The following TOM1L1 variants were observed in gnomAD, a reference collection of about 807,000 sequenced individuals.
TOM1L1 encodes the protein target of myb1 like 1 membrane trafficking protein, also known as TOM1-like protein 1.
Under a neutral mutation model 63.4 loss-of-function variants are expected in TOM1L1, and 64 were observed. The observed-to-expected ratio is 1.01, with a 90% CI of 0.83 to 1.24. The LOEUF is 1.24. Ranked by LOEUF, TOM1L1 falls within the 50% of genes most tolerant of loss-of-function variation. The pLI, the probability that TOM1L1 is intolerant of heterozygous loss-of-function variation, is 0.00. For missense variants in TOM1L1, 536 were observed against 567.0 expected (o/e 0.95, Z 0.55); for synonymous variants, 166 against 194.4 (o/e 0.85, Z 1.22).
chr17:54,934,759 C>T (rs541976812), intron 8 of TOM1L1, among the ~76,000 whole-genome samples: 1 of 151,536 alleles, frequency 6.6e-6, no homozygotes, highest in South Asian at 2.1e-4. Flanking sequence ...GCTTTGCTGC[C>T]CAGGCTGGAG....
intron 7 of TOM1L1, among the ~76,000 whole-genome samples, chr17:54,925,786 C>T (rs1243834471): frequency 6.6e-6 from 1 of 152,084 alleles, no homozygotes; most frequent in African/African-American, 2.4e-5. Flanking sequence ...CTCCTATAGT[C>T]GCAGTCACTC....
chr17:54,931,638 C>A (rs188057063), intron 8 of TOM1L1, among the ~76,000 whole-genome samples: 33 of 152,054 alleles, frequency 2.2e-4, no homozygotes, highest in African/African-American at 7.2e-4. Flanking sequence ...CCATCTCTAT[C>A]AAAAAATTAC....
chr17:54,910,973 C>A (rs947015647), intron 3 of TOM1L1, among the ~76,000 whole-genome samples: 1 of 152,182 alleles, frequency 6.6e-6, no homozygotes, highest in African/African-American at 2.4e-5. Context: ...CTATCCTGGT[C>A]ATGCTATGGT....
intron 14 of TOM1L1, chr17:54,953,949 G>T (rs777185871): frequency 1.5e-4 from 23 of 152,180 alleles, no homozygotes; most frequent in Non-Finnish European, 3.1e-4. Context: ...AATGCTGATG[G>T]ATTTTCATTA....
intron 14 of TOM1L1, chr17:54,953,638 T>C (rs1416193273): frequency 6.6e-6 from 1 of 152,252 alleles, no homozygotes; most frequent in Non-Finnish European, 1.5e-5. Context: ...CTGAGTTCCA[T>C]GGTGGGGGCC....
intron 1 of TOM1L1, among the ~76,000 whole-genome samples, chr17:54,902,584 C>T (rs1281387828): frequency 1.3e-5 from 2 of 152,226 alleles, no homozygotes; most frequent in Non-Finnish European, 1.5e-5. Context: ...AGCCACCGGG[C>T]CCCGCCTCAA....
intron 1 of TOM1L1, among the ~76,000 whole-genome samples, chr17:54,903,051 T>C (rs1458074555): frequency 6.6e-6 from 1 of 152,212 alleles, no homozygotes; most frequent in Non-Finnish European, 1.5e-5. Context: ...GTTATAATAA[T>C]TGGTAAAATT....
At chr17:54,928,669 C>T (rs1291922423) in intron 7 of TOM1L1, among the ~76,000 whole-genome samples, 3 of 152,158 alleles carry the variant, frequency 2.0e-5, no homozygotes, top group African/African-American at 7.2e-5. Context: ...AAAATGTTTA[C>T]TATCTGGAGC....
At chr17:54,905,374 C>G in intron 2 of TOM1L1, 115 bp from the exon 3 acceptor site, 1 of 691,366 alleles carries the variant, frequency 1.4e-6, no homozygotes, top group East Asian at 2.6e-5. Flanking sequence ...AGAACCAAGG[C>G]CTTAGTTTTC....
intron 14 of TOM1L1, 51 bp downstream of exon 14, chr17:54,950,177 A>G (rs1182318052): frequency 7.2e-7 from 1 of 1,393,788 alleles, no homozygotes; most frequent in East Asian, 2.3e-5. Flanking sequence ...GTTCCCTTTG[A>G]TAGCAGAGCT....
intron 11 of TOM1L1, among the ~76,000 whole-genome samples, chr17:54,941,074 G>T (rs536183731): frequency 2.0e-5 from 3 of 151,836 alleles, no homozygotes; most frequent in Admixed American, 1.3e-4. Context: ...TATTTGTTAG[G>T]TTCTGATTTA....
At chr17:54,947,834 A>G (rs967185800) in intron 12 of TOM1L1, among the ~76,000 whole-genome samples, 3 of 152,122 alleles carry the variant, frequency 2.0e-5, no homozygotes, top group South Asian at 4.1e-4. Flanking sequence ...TTTTGGTCTC[A>G]TATCTTGAAA....
At position 54,915,749 on chromosome 17, in the gene TOM1L1, G is replaced by A; in HGVS notation, c.607G>A (p.Gly203Arg). Residue 203 changes from glycine (G) to arginine (R), a missense_variant, in exon 7 of 16, where the codon GGA (glycine) becomes AGA (arginine). Gly to Arg is a moderately radical substitution (Grantham distance 125, BLOSUM62 -2). Transcript: ENST00000575882. Reference sequence around the variant, plus strand: ...GTGATTGTGTTGCTCTCTACAGATTGGAAAACTGCACAGTGAATTGGATAT... The same window carrying A: ...GTGATTGTGTTGCTCTCTACAGATTAGAAAACTGCACAGTGAATTGGATAT... ...STVTLVPEQIGKLHSELDMVK... is the reference protein window; with the variant it reads ...STVTLVPEQIRKLHSELDMVK... 6.2e-7 allele frequency: 1 copy of A among 1,603,978 alleles called. No homozygotes were observed. Among genetic ancestry groups the A allele is most frequent in the Non-Finnish European group, 8.5e-7 (1 of 1,175,284 alleles).
rs1206526173 is a variant in TOM1L1, at chr17:54,930,223, C to T, written c.854+17C>T. The T allele has an allele frequency of 6.2e-7, 1 of 1,613,272 alleles. No individual in the cohort carries two copies. Among genetic ancestry groups the T allele is most frequent in the Non-Finnish European group, 8.5e-7 (1 of 1,179,490 alleles). On this transcript the variant is annotated intron_variant, in intron 8 of 15. Transcript: ENST00000575882. Reference sequence around the variant, plus strand: ...ATATGAGAGGTGAGCAGATCATGTACCCTCTTTACCCCTCTTCCATTTCTA... The same window carrying T: ...ATATGAGAGGTGAGCAGATCATGTATCCTCTTTACCCCTCTTCCATTTCTA...
At chr17:54,927,845 G>A (rs908169198) in intron 7 of TOM1L1, among the ~76,000 whole-genome samples, 2 of 152,162 alleles carry the variant, frequency 1.3e-5, no homozygotes, top group African/African-American at 4.8e-5. Flanking sequence ...TTCACATTCT[G>A]GTTTGCAGAC....
intron 8 of TOM1L1, 42 bp from the exon 9 acceptor site, chr17:54,936,607 T>C (rs750180216): frequency 1.3e-6 from 2 of 1,511,846 alleles, no homozygotes; most frequent in South Asian, 2.4e-5. Flanking sequence ...AGCATTTTCA[T>C]ATATTTTTTT....
At chr17:54,961,181 TG>T (rs1440412916) in intron 15 of TOM1L1, 53 bp from the exon 16 acceptor site, 8 of 1,180,732 alleles carry the variant, frequency 6.8e-6, no homozygotes, top group South Asian at 1.3e-5. Context: ...TATCAAGGAA[TG>T]GGGAAAGAGA....
chr17:54,930,896 G>A (rs1291740816), intron 8 of TOM1L1, among the ~76,000 whole-genome samples: 1 of 151,946 alleles, frequency 6.6e-6, no homozygotes, highest in African/African-American at 2.4e-5. Context: ...TTAGCTGGGT[G>A]TGGTGGTCCT....
chr17:54,929,997 C>G, intron 7 of TOM1L1, 76 bp from the exon 8 acceptor site: 2 of 1,584,296 alleles, frequency 1.3e-6, no homozygotes, highest in Non-Finnish European at 1.7e-6. Flanking sequence ...TGTAGGTATG[C>G]GCAGATTGGT....
Sources: allele counts gnomAD v4.1 joint callset (sites outside exome capture counted in the v4.1 genomes callset), GRCh38; gene constraint gnomAD v4.1.1; transcripts MANE v1.5; gene names NCBI Gene and HGNC (gene_info 2026-07-23, HGNC 2026-07-21).